The following ABCB5 variants were observed in gnomAD, a reference collection of about 807,000 sequenced individuals.
The protein encoded by ABCB5 is ATP-binding cassette sub-family B member 5.
Under a neutral mutation model 144.2 loss-of-function variants are expected in ABCB5, and 155 were observed. The observed-to-expected ratio is 1.08, with a 90% CI of 0.94 to 1.23. The LOEUF (loss-of-function observed/expected upper bound fraction) is 1.23, where lower values mean the gene tolerates loss of function less well. Among genes scored for constraint, ABCB5 ranks in the 50% most tolerant of loss-of-function variants. The pLI is 0.00. For missense variants in ABCB5, 1,830 were observed against 1,520.8 expected, an observed-to-expected ratio of 1.20 and a Z score of -3.38; for synonymous variants, 610 against 528.6, an observed-to-expected ratio of 1.15 and a Z score of -2.11.
chr7:20,750,383 T>TACACACACAC lies in ABCB5; in HGVS notation c.3430-2949_3430-2940dup, dbSNP rs3033674. 5.3e-3 allele frequency among the ~76,000 whole-genome samples: 754 copies of TACACACACAC among 141,072 alleles called. 8 individuals carry two copies. Among genetic ancestry groups the TACACACACAC allele is most frequent in the African/African-American group, 0.018 (677 of 38,242 alleles). 92.5% of individuals were successfully genotyped at this position (141,072 alleles called of 152,430 possible). A position where few individuals can be genotyped will look rare whatever the true frequency, so the allele number is the denominator to read the frequency against. ...TGATGAGAGTCCAAAGGCTTCCCCC[T>TACACACACAC]ACACACACACACACACACACACACA... On this transcript the variant is annotated intron_variant, in intron 26 of 27. Transcript: ENST00000404938.
intron 5 of ABCB5, among the ~76,000 whole-genome samples, chr7:20,636,940 A>G (rs931814088): frequency 2.6e-5 from 4 of 152,162 alleles, no homozygotes; most frequent in African/African-American, 7.2e-5. Flanking sequence ...TTTGGAAAAC[A>G]TTATCTATGA....
intron 14 of ABCB5, chr7:20,660,193 A>G: frequency 1.0e-6 from 1 of 983,914 alleles, no homozygotes; most frequent in Non-Finnish European, 1.2e-6. Flanking sequence ...TCAAAAGTGA[A>G]AAAAGAAGAA....
At chr7:20,640,012 CT>C (rs1479977894) in intron 5 of ABCB5, among the ~76,000 whole-genome samples, 1 of 152,032 alleles carries the variant, frequency 6.6e-6, no homozygotes, top group Admixed American at 6.6e-5. Context: ...TTATTTAGAT[CT>C]TCTTTAACTT....
At chr7:20,736,198 T>A (rs906353855) in intron 23 of ABCB5, among the ~76,000 whole-genome samples, 2 of 151,974 alleles carry the variant, frequency 1.3e-5, no homozygotes, top group Non-Finnish European at 2.9e-5. Context: ...TGTGAGAGCT[T>A]TTTTTTTCTT....
intron 14 of ABCB5, chr7:20,660,014 A>T (rs1347709196): frequency 2.0e-6 from 2 of 985,398 alleles, no homozygotes; most frequent in Non-Finnish European, 2.4e-6. Context: ...AATGTATTGT[A>T]ATAGGCTCTC....
At chr7:20,644,597 C>A (rs556927654) in intron 7 of ABCB5, among the ~76,000 whole-genome samples, 1 of 152,086 alleles carries the variant, frequency 6.6e-6, no homozygotes, top group Non-Finnish European at 1.5e-5. Flanking sequence ...CTAAAAACAA[C>A]AAATGTATCT....
intron 23 of ABCB5, among the ~76,000 whole-genome samples, chr7:20,736,562 C>G (rs1338007833): frequency 1.3e-5 from 2 of 152,166 alleles, no homozygotes. Context: ...AATTACTCCT[C>G]TTCATATATC....
At chr7:20,716,160 C>G (rs570807523) in intron 20 of ABCB5, among the ~76,000 whole-genome samples, 1 of 152,014 alleles carries the variant, frequency 6.6e-6, no homozygotes, top group Non-Finnish European at 1.5e-5. Flanking sequence ...TTTATCCTTT[C>G]GACAATATAG....
At chr7:20,681,002 CTTTCTTTCTTTCTTTCTT>C (rs869217420) in intron 14 of ABCB5, among the ~76,000 whole-genome samples, 3,538 of 43,874 alleles carry the variant, frequency 0.081, 227 homozygotes, top group East Asian at 0.28. Flanking sequence ...TTCTTTCTTT[CTTTCTTTCTTTCTTTCTT>C]TCTTTCTTTC....
chr7:20,739,248 T>A, intron 24 of ABCB5, 109 bp downstream of exon 24: 2 of 1,163,480 alleles, frequency 1.7e-6, no homozygotes, highest in Non-Finnish European at 2.3e-6. Context: ...AACTAACCAT[T>A]GGGTGCTATA....
rs962991366 is a variant in ABCB5, at chr7:20,756,913, A to G, written c.*1289A>G. The G allele has an allele frequency of 6.6e-5, 10 of 152,328 alleles. No homozygotes were observed. The highest frequency in any genetic ancestry group is 2.4e-4 in the African/African-American group (10 of 41,446). 9.4% of individuals were successfully genotyped at this position (152,328 alleles called of 1,614,324 possible). A position where few individuals can be genotyped will look rare whatever the true frequency, so the allele number is the denominator to read the frequency against. On this transcript the variant is annotated 3_prime_UTR_variant, in exon 28 of 28. Coordinates refer to ENST00000404938, the MANE Select transcript of ABCB5 (RefSeq NM_001163941.2). ...AGCTAGCCTCCCTAAAGTGTACTCT[A>G]CCAATAATTGAAATCTTGTTAAACA...
At chr7:20,692,283 T>C (rs1160708276) in intron 16 of ABCB5, among the ~76,000 whole-genome samples, 1 of 151,882 alleles carries the variant, frequency 6.6e-6, no homozygotes, top group African/African-American at 2.4e-5. Context: ...ACAAGAAAGC[T>C]ACAAACTTCT....
At chr7:20,674,275 C>T (rs1785537551) in intron 14 of ABCB5, among the ~76,000 whole-genome samples, 1 of 151,912 alleles carries the variant, frequency 6.6e-6, no homozygotes, top group Non-Finnish European at 1.5e-5. Context: ...ATTCCTTTTA[C>T]CTGAAACCTT....
At chr7:20,616,564 C>G (rs1408656821) in intron 1 of ABCB5, among the ~76,000 whole-genome samples, 1 of 152,118 alleles carries the variant, frequency 6.6e-6, no homozygotes, top group East Asian at 1.9e-4. Flanking sequence ...TTTACATTTT[C>G]TTGTATGTTC....
At chr7:20,650,930 G>A (rs1297155988) in intron 12 of ABCB5, among the ~76,000 whole-genome samples, 1 of 152,218 alleles carries the variant, frequency 6.6e-6, no homozygotes, top group Non-Finnish European at 1.5e-5. Context: ...ACGGGAATAT[G>A]TTGGGGTAAT....
intron 26 of ABCB5, 71 bp downstream of exon 26, chr7:20,745,509 G>C: frequency 1.4e-6 from 2 of 1,379,950 alleles, no homozygotes; most frequent in Non-Finnish European, 2.0e-6. Context: ...GGCCTATGCA[G>C]TTGTTTTTAT....
At chr7:20,709,383 G>A (rs1786935049) in intron 20 of ABCB5, among the ~76,000 whole-genome samples, 1 of 149,496 alleles carries the variant, frequency 6.7e-6, no homozygotes, top group Admixed American at 6.7e-5. Context: ...CTGTAAGTGG[G>A]GAATATTGCG....
intron 23 of ABCB5, among the ~76,000 whole-genome samples, chr7:20,732,418 G>A (rs1318643845): frequency 6.6e-6 from 1 of 152,120 alleles, no homozygotes; most frequent in Non-Finnish European, 1.5e-5. Flanking sequence ...ATATTTATGA[G>A]TGCATAGACT....
intron 23 of ABCB5, among the ~76,000 whole-genome samples, chr7:20,733,592 T>C (rs1242519349): frequency 6.6e-6 from 1 of 151,854 alleles, no homozygotes; most frequent in Non-Finnish European, 1.5e-5. Context: ...TAGAGAGCTA[T>C]CTGAGCTAGA....
Sources: gnomAD v4.1 joint callset for allele counts (sites outside exome capture counted in the v4.1 genomes callset) on GRCh38, gnomAD v4.1.1 for gene constraint, MANE v1.5 for transcripts, NCBI Gene and HGNC (gene_info 2026-07-23, HGNC 2026-07-21) for gene names.